TRIM14: variants seen among roughly 807,000 people sequenced by gnomAD.
The protein encoded by TRIM14 is tripartite motif-containing protein 14.
TRIM14 carries 28 observed loss-of-function variants against 44.5 expected under a neutral mutation model. The observed-to-expected ratio is 0.63, with a 90% CI of 0.47 to 0.86. The LOEUF (loss-of-function observed/expected upper bound fraction) is 0.86. Among genes scored for constraint, TRIM14 ranks in the 40% least tolerant of loss-of-function variants. The probability of loss-of-function intolerance (pLI) is 0.00; values close to 1 mark genes in which losing one functional copy is unlikely to be tolerated. For synonymous variants in TRIM14, 299 were observed against 269.2 expected (o/e 1.11, Z -1.08); for missense variants, 607 against 611.1 (o/e 0.99, Z 0.07).
At chr9:98,056,680 C>A in the TRIM14 span, 2 of 1,389,978 alleles carry the variant, frequency 1.4e-6, no homozygotes, top group Non-Finnish European at 1.9e-6. Context: ...GGCTGCCCGG[C>A]GACCGCGGGC....
intron 6 of TRIM14, chr9:98,078,340 T>G (rs760730959): frequency 6.2e-7 from 1 of 1,613,866 alleles, no homozygotes; most frequent in African/African-American, 1.3e-5. Flanking sequence ...AACCTGCGGG[T>G]CATCTCGGTG....
chr9:98,057,321 C>T, the TRIM14 span, among the ~76,000 whole-genome samples: 1 of 152,170 alleles, frequency 6.6e-6, no homozygotes, highest in African/African-American at 2.4e-5. Context: ...CCCCTTCCAG[C>T]CCGTCATAAT....
intron 2 of TRIM14, among the ~76,000 whole-genome samples, chr9:98,106,186 A>C (rs1826603704): frequency 6.6e-6 from 1 of 152,172 alleles, no homozygotes; most frequent in East Asian, 1.9e-4. Flanking sequence ...CAAGAAAATG[A>C]ACCACCATGC....
chr9:98,056,741 A>G, the TRIM14 span: 1 of 1,563,634 alleles, frequency 6.4e-7, no homozygotes. Context: ...CACAGAACAG[A>G]GTAGAGGCGG....
chr9:98,110,846 C>CG (rs1564189500), intron 1 of TRIM14, among the ~76,000 whole-genome samples: 2 of 89,022 alleles, frequency 2.2e-5, no homozygotes, highest in African/African-American at 2.1e-4. Flanking sequence ...GCCTCTACCA[C>CG]AAAAAATAAA....
At chr9:98,094,722 C>T in intron 4 of TRIM14, 145 bp downstream of exon 4, 1 of 880,492 alleles carries the variant, frequency 1.1e-6, no homozygotes, top group East Asian at 2.5e-5. Flanking sequence ...GTGGGTTGGG[C>T]ACCAGGCCCA....
In TRIM14 at chr9:98,119,069, G is replaced by A; in HGVS notation, c.120C>T (p.Arg40=). 1 of 1,581,060 alleles carries A rather than the reference G, an allele frequency of 6.3e-7. No individual in the cohort carries two copies. The change falls in exon 1 of 6, where the codon CGC becomes CGT. Residue 40 remains arginine (R), a synonymous_variant. Transcript: ENST00000341469. ...RVAELFCRRC[R]RCVCALCPVL... is the part of the protein sequence containing the mutation. ...CCGGGCAAAGCGCGCACACGCAGCGGCGGCAGCGGCGACAGAAGAGCTCAG... is the reference window on the plus strand; with the variant it reads ...CCGGGCAAAGCGCGCACACGCAGCGACGGCAGCGGCGACAGAAGAGCTCAG...
At chr9:98,056,827 C>G in the TRIM14 span, 1 of 1,609,076 alleles carries the variant, frequency 6.2e-7, no homozygotes, top group Non-Finnish European at 8.5e-7. Flanking sequence ...GGAGCTGGAG[C>G]TGTGTCCCGG....
chr9:98,057,449 C>T, the TRIM14 span, among the ~76,000 whole-genome samples: 1 of 152,310 alleles, frequency 6.6e-6, no homozygotes, highest in African/African-American at 2.4e-5. Context: ...TGGTTAAAAG[C>T]CGGGCCTTTG....
chr9:98,056,824 G>C, the TRIM14 span: 1 of 1,611,980 alleles, frequency 6.2e-7, no homozygotes, highest in Admixed American at 1.7e-5. Context: ...GCTGGAGCTG[G>C]AGCTGTGTCC....
the TRIM14 span, chr9:98,056,600 C>G: frequency 3.0e-6 from 2 of 671,586 alleles, no homozygotes; most frequent in Non-Finnish European, 4.7e-6. Flanking sequence ...CGCCGCCCTT[C>G]CCGCGGGAGG....
the TRIM14 span, among the ~76,000 whole-genome samples, chr9:98,054,835 G>C: frequency 1.3e-5 from 2 of 152,120 alleles, no homozygotes; most frequent in African/African-American, 4.8e-5. Context: ...TCCCGAATGA[G>C]CCCCCAAATT....
In TRIM14 at chr9:98,072,153, G is replaced by A. The variant is rs536877985; in HGVS notation, c.*29-2466C>T. Among the ~76,000 whole-genome samples the A allele has an allele frequency of 8.5e-5, 13 of 152,286 alleles. No individual in the cohort carries two copies. The East Asian group carries it at 1.2e-3, about 14-fold the overall frequency. ...GGGCTCCTCATGTAACCTTGGAGCC[G>A]CAGTGGCCCCCGTCTGTAAAAACAG... On this transcript the variant is annotated intron_variant, in intron 6 of 6. Coordinates refer to the TRIM14 transcript ENST00000375098.
chr9:98,076,809 C>G, intron 6 of TRIM14: 1 of 825,060 alleles, frequency 1.2e-6, no homozygotes, highest in Non-Finnish European at 1.9e-6. Flanking sequence ...GAGCGTCCCT[C>G]TACTGCCTAA....
chr9:98,114,650 T>TA (rs900144672), intron 1 of TRIM14, among the ~76,000 whole-genome samples: 8 of 152,090 alleles, frequency 5.3e-5, no homozygotes, highest in South Asian at 4.1e-4. Context: ...TTGATTCTTT[T>TA]AAAAAAAGTC....
At chr9:98,101,517 C>T (rs1183393512) in intron 2 of TRIM14, among the ~76,000 whole-genome samples, 8 of 151,998 alleles carry the variant, frequency 5.3e-5, no homozygotes, top group Admixed American at 2.0e-4. Flanking sequence ...CCTCCGCTTC[C>T]CGGGTACAAG....
chr9:98,044,655 A>G, the TRIM14 span, among the ~76,000 whole-genome samples: 1 of 152,030 alleles, frequency 6.6e-6, no homozygotes, highest in Admixed American at 6.5e-5. Context: ...TACAGGCATG[A>G]GCCACCGTGC....
At chr9:98,113,852 T>G (rs1008575709) in intron 1 of TRIM14, among the ~76,000 whole-genome samples, 1 of 152,226 alleles carries the variant, frequency 6.6e-6, no homozygotes, top group Admixed American at 6.5e-5. Flanking sequence ...TTTTGAAATC[T>G]TTGAATAATC....
chr9:98,066,681 C>G (rs559897062), downstream of TRIM14, among the ~76,000 whole-genome samples: 12 of 150,206 alleles, frequency 8.0e-5, no homozygotes, highest in Non-Finnish European at 1.6e-4. Flanking sequence ...GACAGAGTCT[C>G]GCTCTATTGC....
Sources: allele counts gnomAD v4.1 joint callset (sites outside exome capture counted in the v4.1 genomes callset), GRCh38; gene constraint gnomAD v4.1.1; transcripts MANE v1.5; gene names NCBI Gene and HGNC (gene_info 2026-07-23, HGNC 2026-07-21).